PFKFB3: variants seen among roughly 807,000 people sequenced by gnomAD.
PFKFB3 encodes the protein 6-phosphofructo-2-kinase/fructose-2,6-biphosphatase 3.
PFKFB3 carries 33 observed loss-of-function variants against 68.0 expected under a neutral mutation model. That is an observed-to-expected ratio of 0.49 (90% confidence interval 0.37 to 0.65). The LOEUF (loss-of-function observed/expected upper bound fraction) is 0.65, where lower values mean the gene tolerates loss of function less well. PFKFB3 is among the 30% of genes least tolerant of loss of function. The probability of loss-of-function intolerance (pLI) is 0.00; values close to 1 mark genes in which losing one functional copy is unlikely to be tolerated. For missense variants in PFKFB3, 586 were observed against 712.2 expected (o/e 0.82, Z 2.02); for synonymous variants, 315 against 288.2 (o/e 1.09, Z -0.94).
chr10:6,228,695 AGTGTG>A lies in PFKFB3; in HGVS notation c.1515+2334_1515+2338del, dbSNP rs1321633753. ...AACCAAACCTATGGGGAATAGTGGG[AGTGTG>A]GTGGGGCCTGAGCTCTGAGCCTCTC... On this transcript the variant is annotated intron_variant, in intron 14 of 14. Transcript: ENST00000379775. This position sits in a 1 kb window ranked among gnomAD's most constrained non-coding sequence, Gnocchi z 4.5. 5.9e-5 allele frequency among the ~76,000 whole-genome samples: 1 copy of A among 17,034 alleles called. No homozygotes were observed. Among genetic ancestry groups the A allele is most frequent in the Non-Finnish European group, 3.1e-4 (1 of 3,214 alleles). 11.2% of individuals were successfully genotyped at this position (17,034 alleles called of 152,430 possible).
chr10:6,158,533 T>C (rs1588394159), intron 1 of PFKFB3, among the ~76,000 whole-genome samples: 1 of 152,124 alleles, frequency 6.6e-6, no homozygotes, highest in Admixed American at 6.5e-5. Flanking sequence ...ACAAATGCCT[T>C]GGAGGCAGTT....
the PFKFB3 span, among the ~76,000 whole-genome samples, chr10:6,305,657 G>T: frequency 3.9e-5 from 6 of 152,318 alleles, no homozygotes; most frequent in East Asian, 1.2e-3. Context: ...TGCACACAGA[G>T]GGCTTTTCTT....
intron 1 of PFKFB3, among the ~76,000 whole-genome samples, chr10:6,196,581 G>C (rs1234062376): frequency 6.6e-6 from 1 of 152,154 alleles, no homozygotes; most frequent in Non-Finnish European, 1.5e-5. Context: ...TTTGAGGGCA[G>C]GAAGCATTCA....
chr10:6,322,170 C>A, the PFKFB3 span, among the ~76,000 whole-genome samples: 2 of 152,240 alleles, frequency 1.3e-5, no homozygotes, highest in Non-Finnish European at 2.9e-5. Flanking sequence ...TCTAAAATTT[C>A]TCTTCCAGTG....
the PFKFB3 span, among the ~76,000 whole-genome samples, chr10:6,299,208 A>G: frequency 6.6e-6 from 1 of 152,236 alleles, no homozygotes; most frequent in African/African-American, 2.4e-5. Flanking sequence ...TGCACTCTGC[A>G]TGCAATTTTC....
At chr10:6,174,062 T>C (rs533057104) in intron 1 of PFKFB3, among the ~76,000 whole-genome samples, 1 of 152,138 alleles carries the variant, frequency 6.6e-6, no homozygotes, top group East Asian at 1.9e-4. Flanking sequence ...GTGTGGGGAT[T>C]GGAGCGGCTT....
intron 1 of PFKFB3, among the ~76,000 whole-genome samples, chr10:6,186,984 C>T (rs755989718): frequency 2.6e-5 from 4 of 152,008 alleles, no homozygotes; most frequent in Non-Finnish European, 5.9e-5. Context: ...CCTGCATTTG[C>T]GGGGAGGTGT....
chr10:6,217,130 A>G lies in PFKFB3; in HGVS notation c.442-5A>G, dbSNP rs1175993960. 2 of 1,613,880 alleles carry G rather than the reference A, an allele frequency of 1.2e-6. No homozygotes were observed. The highest frequency in any genetic ancestry group is 2.2e-5 in the East Asian group (1 of 44,896). ...TTTCTAACATCCCCACCTCACTTCC[A>G]CCAGGCGTTTTTCATCGAGTCGGTG... On this transcript the variant is annotated splice_region_variant and splice_polypyrimidine_tract_variant and intron_variant, in intron 5 of 14. Coordinates refer to ENST00000379775, the MANE Select transcript of PFKFB3 (RefSeq NM_004566.4).
At chr10:6,306,536 G>A in the PFKFB3 span, among the ~76,000 whole-genome samples, 2 of 152,076 alleles carry the variant, frequency 1.3e-5, no homozygotes, top group Admixed American at 6.6e-5. Flanking sequence ...CTGAAGTCAG[G>A]GTTGCTTTTC....
intron 1 of PFKFB3, among the ~76,000 whole-genome samples, chr10:6,183,614 A>AAT (rs371411251): frequency 0.056 from 5,229 of 93,632 alleles, 151 homozygotes; most frequent in Middle Eastern, 0.1. Flanking sequence ...AAAAAAAAAA[A>AAT]ATATATATAT....
At chr10:6,212,814 T>G (rs949617783) in intron 1 of PFKFB3, among the ~76,000 whole-genome samples, 57 of 152,206 alleles carry the variant, frequency 3.7e-4, no homozygotes, top group African/African-American at 1.3e-3. Context: ...ACTCCTACTT[T>G]TAAAAATTGC....
the PFKFB3 span, among the ~76,000 whole-genome samples, chr10:6,315,102 C>T: frequency 1.3e-5 from 2 of 152,280 alleles, no homozygotes; most frequent in East Asian, 1.9e-4. Flanking sequence ...CACCTGCCCA[C>T]CCCTAGGCCA....
At chr10:6,170,059 G>A (rs1180737907) in intron 1 of PFKFB3, among the ~76,000 whole-genome samples, 1 of 152,156 alleles carries the variant, frequency 6.6e-6, no homozygotes, top group Admixed American at 6.5e-5. Context: ...TTCTGTTTGT[G>A]GTTATTTTGA....
the PFKFB3 span, among the ~76,000 whole-genome samples, chr10:6,309,060 G>C: frequency 6.6e-6 from 1 of 152,170 alleles, no homozygotes; most frequent in Non-Finnish European, 1.5e-5. Flanking sequence ...GGGCGGGTGG[G>C]ATGTCCAGTC....
chr10:6,190,780 T>A (rs1450867864), intron 1 of PFKFB3, among the ~76,000 whole-genome samples: 2 of 152,188 alleles, frequency 1.3e-5, no homozygotes, highest in South Asian at 2.1e-4. Flanking sequence ...CTGTGCCTCA[T>A]GTCTCTATTT....
intron 1 of PFKFB3, among the ~76,000 whole-genome samples, chr10:6,168,525 A>G (rs1005754949): frequency 6.6e-6 from 1 of 152,216 alleles, no homozygotes; most frequent in Non-Finnish European, 1.5e-5. Context: ...AGGCTTCTAC[A>G]TGGCCTGGTA....
chr10:6,216,092 G>A lies in PFKFB3; in HGVS notation c.300-33G>A, dbSNP rs115959316. On this transcript the variant is annotated intron_variant, in intron 3 of 14. Transcript: ENST00000379775. ...GGGCTGCCCCAGCGGATGCACCGGC[G>A]CTGACATTCGGGCAATGTCTTGTGC... is the stretch of plus-strand genomic sequence containing the variant. 6.6e-4 allele frequency: 1,061 copies of A among 1,601,736 alleles called. 7 individuals carry two copies. In the African/African-American group the frequency reaches 0.011, roughly 16 times the overall value.
At chr10:6,236,138 T>C (rs74112211), downstream of PFKFB3, among the ~76,000 whole-genome samples, 4,666 of 152,274 alleles carry the variant, frequency 0.031, 188 homozygotes, top group Admixed American at 0.091. Context: ...CTTGCCTCAT[T>C]GGCACTACAG....
chr10:6,324,520 G>A, the PFKFB3 span, among the ~76,000 whole-genome samples: 12 of 151,998 alleles, frequency 7.9e-5, no homozygotes, highest in East Asian at 2.1e-3. Flanking sequence ...TCTGCCTCCC[G>A]GGTTTGGGTG....
Sources: allele counts gnomAD v4.1 joint callset (sites outside exome capture counted in the v4.1 genomes callset), GRCh38; gene constraint gnomAD v4.1.1; non-coding constraint Gnocchi (gnomAD v3.1); transcripts MANE v1.5; gene names NCBI Gene and HGNC (gene_info 2026-07-23, HGNC 2026-07-21).